The following NLGN4X variants were observed in gnomAD, a reference collection of about 807,000 sequenced individuals.
NLGN4X encodes the protein neuroligin 4 X-linked.
A neutral mutation model predicts 40.3 loss-of-function variants in NLGN4X; 3 were observed. That is an observed-to-expected ratio of 0.07 (90% confidence interval 0.03 to 0.19). The LOEUF (loss-of-function observed/expected upper bound fraction) is 0.19. Ranked by LOEUF, NLGN4X falls within the 10% of genes least tolerant of loss-of-function variation. The pLI is 1.00. For synonymous variants in NLGN4X, 270 were observed against 306.8 expected (o/e 0.88, Z 1.25); for missense variants, 382 against 708.3 (o/e 0.54, Z 5.23).
At chrX:6,215,838 G>C (rs1417732692) in intron 1 of NLGN4X, among the ~76,000 whole-genome samples, 1 of 109,979 alleles carries the variant, frequency 9.1e-6, no homozygotes. Context: ...TCCCAGTGAA[G>C]TGAAATAGCT....
chrX:5,937,859 T>A (rs1418872239), intron 3 of NLGN4X, among the ~76,000 whole-genome samples: 1 of 112,330 alleles, frequency 8.9e-6, no homozygotes, highest in Non-Finnish European at 1.9e-5. Flanking sequence ...GGATGAAAGT[T>A]TCAACATCTT....
chrX:6,031,294 T>C (rs755235057), intron 2 of NLGN4X, among the ~76,000 whole-genome samples: 2 of 111,834 alleles, frequency 1.8e-5, no homozygotes, highest in South Asian at 3.7e-4. Flanking sequence ...TCAATACTGA[T>C]AAAATGTCAG....
chrX:6,050,769 G>GTCCATCTA (rs1226839921), intron 2 of NLGN4X, among the ~76,000 whole-genome samples: 43 of 70,119 alleles, frequency 6.1e-4, no homozygotes, highest in African/African-American at 2.1e-3. Flanking sequence ...ATGTCTGTCT[G>GTCCATCTA]TCTGTCCATC....
chrX:5,974,776 G>A (rs367545335), intron 3 of NLGN4X, among the ~76,000 whole-genome samples: 11 of 112,050 alleles, frequency 9.8e-5, no homozygotes, highest in African/African-American at 3.6e-4. Context: ...CTTATACATA[G>A]ATGCCTATGA....
At chrX:6,105,544 G>A (rs1237761173) in intron 2 of NLGN4X, among the ~76,000 whole-genome samples, 1 of 111,571 alleles carries the variant, frequency 9.0e-6, no homozygotes, top group Non-Finnish European at 1.9e-5. Context: ...CGTCTAGCAC[G>A]TTTTCTTAAG....
intron 1 of NLGN4X, among the ~76,000 whole-genome samples, chrX:6,160,810 C>T (rs1272089874): frequency 1.8e-5 from 2 of 108,286 alleles, no homozygotes; most frequent in African/African-American, 3.3e-5. Flanking sequence ...CGTGAGCCAA[C>T]GCGCCTGGCC....
intron 3 of NLGN4X, among the ~76,000 whole-genome samples, chrX:6,028,768 C>A (rs933344661): frequency 8.9e-6 from 1 of 111,835 alleles, no homozygotes; most frequent in Middle Eastern, 4.6e-3. Flanking sequence ...CATCAATGGA[C>A]AAAAGTCAAC....
chrX:6,083,405 T>A (rs1342442470), intron 2 of NLGN4X, among the ~76,000 whole-genome samples: 1 of 111,948 alleles, frequency 8.9e-6, no homozygotes, highest in Non-Finnish European at 1.9e-5. Context: ...GAGAAATACA[T>A]TTCTATTTTT....
At position 6,082,948 on chromosome X, in the gene NLGN4X, G is replaced by GTTT. The variant is rs930625574; in HGVS notation, c.473-53519_473-53517dup. Among the ~76,000 whole-genome samples the GTTT allele has an allele frequency of 7.5e-4, 53 of 70,342 alleles. 6 individuals are homozygous for GTTT. The highest frequency in any genetic ancestry group is 1.2e-3 in the African/African-American group (24 of 20,655). The allele number at this position is 70,342 out of a possible 115,157, so 61.1% of individuals were successfully genotyped here. A position where few individuals can be genotyped will look rare whatever the true frequency, so the allele number is the denominator to read the frequency against. On this transcript the variant is annotated intron_variant, in intron 2 of 5. Transcript: ENST00000381095. The stretch of plus-strand genomic sequence containing the variant: ...AAAAAAAGAGATTTTGCCATGATGC[G>GTTT]TTTTTTTCTTTTTTTTTTTTTTTTT...
intron 4 of NLGN4X, among the ~76,000 whole-genome samples, chrX:5,907,267 C>T (rs1364398560): frequency 2.7e-5 from 3 of 111,928 alleles, no homozygotes; most frequent in Middle Eastern, 4.6e-3. Context: ...ATTTTCCTGC[C>T]TCTTCCTTTT....
chrX:6,093,315 T>A (rs1269109070), intron 2 of NLGN4X, among the ~76,000 whole-genome samples: 2 of 112,155 alleles, frequency 1.8e-5, no homozygotes, highest in African/African-American at 6.5e-5. Flanking sequence ...CAAATATTCA[T>A]GATACATAAT....
At chrX:5,986,181 G>A (rs894970805) in intron 3 of NLGN4X, among the ~76,000 whole-genome samples, 1 of 111,394 alleles carries the variant, frequency 9.0e-6, no homozygotes, top group Non-Finnish European at 1.9e-5. Flanking sequence ...ACCAACCATC[G>A]CAAAATAAAC....
At chrX:6,225,720 T>TTTTTTTTTTTTTTC (rs1926211128) in intron 1 of NLGN4X, among the ~76,000 whole-genome samples, 1 of 79,472 alleles carries the variant, frequency 1.3e-5, no homozygotes, top group Non-Finnish European at 2.3e-5. Context: ...TTTTTTTTTT[T>TTTTTTTTTTTTTTC]TGCTTTTGCC....
In NLGN4X at chrX:6,164,987, C is replaced by A. The variant is rs977944098; in HGVS notation, c.-305-13216G>T. ...ACCACCTTTCCCACACAGTTTATTT[C>A]CTGAGTATGACACTGTACAAGCTCC... On this transcript the variant is annotated intron_variant, in intron 1 of 5. Transcript: ENST00000381095. Among the ~76,000 whole-genome samples, 3 of 111,356 alleles carry A rather than the reference C, an allele frequency of 2.7e-5. No homozygotes were observed. The Admixed American group carries it at 2.9e-4, about 11-fold the overall frequency.
intron 5 of NLGN4X, 139 bp downstream of exon 5, chrX:5,902,934 GTGTC>G (rs1008057346): frequency 1.5e-6 from 1 of 661,926 alleles, no homozygotes; most frequent in Non-Finnish European, 2.4e-6. Flanking sequence ...GTGTAAGCGT[GTGTC>G]TGTGTGTATG....
intron 3 of NLGN4X, among the ~76,000 whole-genome samples, chrX:5,952,368 AG>A (rs1345016742): frequency 8.9e-6 from 1 of 111,750 alleles, no homozygotes; most frequent in East Asian, 2.8e-4. Flanking sequence ...AAACTACAAA[AG>A]ATGTAGATGT....
chrX:6,124,468 G>A (rs1487295812), intron 2 of NLGN4X, among the ~76,000 whole-genome samples: 2 of 111,873 alleles, frequency 1.8e-5, no homozygotes, highest in African/African-American at 6.5e-5. Context: ...GATCACTTGA[G>A]GCCAGGAGTT....
At chrX:6,027,727 A>G (rs2036739870) in intron 3 of NLGN4X, among the ~76,000 whole-genome samples, 1 of 110,706 alleles carries the variant, frequency 9.0e-6, no homozygotes, top group Non-Finnish European at 1.9e-5. Context: ...TATTTGAAGA[A>G]AACATTTTCA....
chrX:6,213,910 G>A (rs957454462), intron 1 of NLGN4X, among the ~76,000 whole-genome samples: 2 of 111,898 alleles, frequency 1.8e-5, no homozygotes, highest in East Asian at 2.8e-4. Flanking sequence ...CATTCCCAGC[G>A]CACTTACTTT....
Sources: gnomAD v4.1 joint callset for allele counts (sites outside exome capture counted in the v4.1 genomes callset) on GRCh38, gnomAD v4.1.1 for gene constraint, MANE v1.5 for transcripts, NCBI Gene and HGNC (gene_info 2026-07-23, HGNC 2026-07-21) for gene names.